VTI1A: variants seen among roughly 807,000 people sequenced by gnomAD.
VTI1A encodes the protein vesicle transport through interaction with t-SNAREs homolog 1A.
In VTI1A, 22 loss-of-function variants were observed where a neutral mutation model predicts 34.9. The observed-to-expected ratio is 0.63, with a 90% CI of 0.45 to 0.90. The LOEUF (loss-of-function observed/expected upper bound fraction) is 0.90, where lower values mean the gene tolerates loss of function less well. Ranked by LOEUF, VTI1A falls within the 40% of genes least tolerant of loss-of-function variation. The probability of loss-of-function intolerance (pLI) is 0.00; values close to 1 mark genes in which losing one functional copy is unlikely to be tolerated. For synonymous variants in VTI1A, 87 were observed against 97.3 expected (o/e 0.89, Z 0.62); for missense variants, 268 against 275.6 (o/e 0.97, Z 0.20).
intron 7 of VTI1A, among the ~76,000 whole-genome samples, chr10:112,691,295 A>AAATC (rs1215505634): frequency 6.7e-6 from 1 of 149,990 alleles, no homozygotes; most frequent in Non-Finnish European, 1.5e-5. Context: ...ATAAATAAAT[A>AAATC]AATAAATAAA....
At chr10:112,842,050 C>G in the VTI1A span, among the ~76,000 whole-genome samples, 20 of 93,138 alleles carry the variant, frequency 2.1e-4, 1 homozygote, top group South Asian at 6.9e-4. Flanking sequence ...TTTTTTTTTT[C>G]CTTTTTTTTT....
intron 5 of VTI1A, among the ~76,000 whole-genome samples, chr10:112,611,239 T>G (rs2134515187): frequency 6.6e-6 from 1 of 152,360 alleles, no homozygotes; most frequent in South Asian, 2.1e-4. Flanking sequence ...TAAGATTTCT[T>G]GTCTCATTGG....
intron 5 of VTI1A, among the ~76,000 whole-genome samples, chr10:112,559,483 A>T (rs977719437): frequency 6.6e-6 from 1 of 151,936 alleles, no homozygotes; most frequent in Admixed American, 6.6e-5. Flanking sequence ...TAGGGGGAAA[A>T]CCTGGCCTTT....
intron 7 of VTI1A, among the ~76,000 whole-genome samples, chr10:112,730,069 A>G (rs1159622855): frequency 6.6e-6 from 1 of 152,236 alleles, no homozygotes; most frequent in Non-Finnish European, 1.5e-5. Context: ...TGACCATAGA[A>G]GAGGGCATAT....
At chr10:112,542,014 A>G (rs1850889927) in intron 5 of VTI1A, among the ~76,000 whole-genome samples, 1 of 152,098 alleles carries the variant, frequency 6.6e-6, no homozygotes, top group Non-Finnish European at 1.5e-5. Flanking sequence ...TGTTGTTACT[A>G]TTAATAGTCA....
At chr10:112,777,725 T>C (rs1338479017) in intron 7 of VTI1A, among the ~76,000 whole-genome samples, 1 of 152,224 alleles carries the variant, frequency 6.6e-6, no homozygotes, top group Non-Finnish European at 1.5e-5. Context: ...ATTCATTCTC[T>C]GGCCTCTTCA....
chr10:112,838,663 CG>C, the VTI1A span, among the ~76,000 whole-genome samples: 1 of 152,028 alleles, frequency 6.6e-6, no homozygotes, highest in Non-Finnish European at 1.5e-5. Flanking sequence ...AGGGCAAGAA[CG>C]GGGGCACAGA....
intron 5 of VTI1A, among the ~76,000 whole-genome samples, chr10:112,574,094 T>G (rs1852242446): frequency 6.6e-6 from 1 of 152,244 alleles, no homozygotes; most frequent in African/African-American, 2.4e-5. Context: ...GTACTCATTG[T>G]ATACTCAAAA....
intron 7 of VTI1A, among the ~76,000 whole-genome samples, chr10:112,807,208 G>T (rs1215182888): frequency 6.6e-6 from 1 of 152,152 alleles, no homozygotes; most frequent in Non-Finnish European, 1.5e-5. Context: ...CGAAACCCAA[G>T]ATAAGATCAC....
chr10:112,548,857 C>A, intron 5 of VTI1A: 1 of 1,447,368 alleles, frequency 6.9e-7, no homozygotes. Context: ...CAGCTTTTTA[C>A]CGGAACGGTG....
At chr10:112,717,432 CAG>C (rs1849647894) in intron 7 of VTI1A, among the ~76,000 whole-genome samples, 1 of 152,130 alleles carries the variant, frequency 6.6e-6, no homozygotes, top group Non-Finnish European at 1.5e-5. Context: ...TGTTCTGGCT[CAG>C]GGTCTCTCAT....
chr10:112,513,565 G>A (rs570649046), intron 3 of VTI1A, among the ~76,000 whole-genome samples: 1 of 152,050 alleles, frequency 6.6e-6, no homozygotes, highest in South Asian at 2.1e-4. Flanking sequence ...TAGGACTTAA[G>A]TACTATGTTG....
chr10:112,647,496 G>A (rs1846841678), intron 5 of VTI1A, among the ~76,000 whole-genome samples: 1 of 152,116 alleles, frequency 6.6e-6, no homozygotes, highest in Non-Finnish European at 1.5e-5. Flanking sequence ...TTTCTAAATG[G>A]AAAATTTTGG....
At chr10:112,748,586 C>G (rs578237095) in intron 7 of VTI1A, among the ~76,000 whole-genome samples, 1 of 150,138 alleles carries the variant, frequency 6.7e-6, no homozygotes, top group East Asian at 1.9e-4. Context: ...ACAAATGACA[C>G]CTGTTACTCT....
chr10:112,798,615 C>T (rs1409162784), intron 7 of VTI1A, among the ~76,000 whole-genome samples: 4 of 152,166 alleles, frequency 2.6e-5, no homozygotes. Flanking sequence ...TCAAAGGCCA[C>T]ACTACTCCTT....
At chr10:112,587,082 C>T (rs1844188251) in intron 5 of VTI1A, among the ~76,000 whole-genome samples, 1 of 152,114 alleles carries the variant, frequency 6.6e-6, no homozygotes, top group African/African-American at 2.4e-5. Flanking sequence ...CAGTTGGGCC[C>T]TGACACTATG....
At chr10:112,825,562 C>A in the VTI1A span, 2 of 152,292 alleles carry the variant, frequency 1.3e-5, no homozygotes, top group African/African-American at 4.8e-5. Context: ...ATGCCTGGCT[C>A]AACCTCCTGC....
At chr10:112,710,498 C>T (rs149701894) in intron 7 of VTI1A, among the ~76,000 whole-genome samples, 181 of 152,296 alleles carry the variant, frequency 1.2e-3, no homozygotes, top group African/African-American at 4.1e-3. Flanking sequence ...TGAGCCACCA[C>T]GCCCGGCTCA....
intron 7 of VTI1A, among the ~76,000 whole-genome samples, chr10:112,723,390 G>A (rs906886675): frequency 2.0e-5 from 3 of 152,110 alleles, no homozygotes; most frequent in African/African-American, 4.8e-5. Context: ...GTTTTGCATC[G>A]GACTTTTTGC....
Sources: gnomAD v4.1 joint callset for allele counts (sites outside exome capture counted in the v4.1 genomes callset) on GRCh38, gnomAD v4.1.1 for gene constraint, MANE v1.5 for transcripts, NCBI Gene and HGNC (gene_info 2026-07-23, HGNC 2026-07-21) for gene names.